PLEKHH1: variants seen among roughly 807,000 people sequenced by gnomAD.
PLEKHH1 encodes pleckstrin homology domain-containing family H member 1.
Under a neutral mutation model 160.0 loss-of-function variants are expected in PLEKHH1, and 104 were observed. The ratio of observed to expected loss-of-function variants is 0.65; its 90% CI spans 0.55 to 0.76. The LOEUF (loss-of-function observed/expected upper bound fraction) is 0.76, where lower values mean the gene tolerates loss of function less well. Among genes scored for constraint, PLEKHH1 ranks in the 30% least tolerant of loss-of-function variants. The pLI is 0.00. For missense variants in PLEKHH1, 1,427 were observed against 1,724.1 expected (o/e 0.83, Z 3.05); for synonymous variants, 619 against 678.4 (o/e 0.91, Z 1.36).
rs1249742980 is a variant in PLEKHH1 at position 67,585,616 on chromosome 14, A to G, written c.3748A>G (p.Asn1250Asp). Reference sequence around the variant, plus strand: ...GAACGCTCTGGTGTGGATTGCTGTGAATGAGGATGGCGTCAGCATCCTGGA... The same window carrying G: ...GAACGCTCTGGTGTGGATTGCTGTGGATGAGGATGGCGTCAGCATCCTGGA... ...KENALVWIAVNEDGVSILDHN... is the reference protein window; with the variant it reads ...KENALVWIAVDEDGVSILDHN... Residue 1250 changes from asparagine (N) to aspartate (D), a missense_variant, in exon 27 of 29, where the codon AAT becomes GAT. Transcript: ENST00000329153. 3 of 1,583,904 alleles carry G rather than the reference A, an allele frequency of 1.9e-6. No homozygotes were observed. The Admixed American group carries it at 5.4e-5, about 28-fold the overall frequency.
intron 2 of PLEKHH1, among the ~76,000 whole-genome samples, chr14:67,548,671 C>T (rs1407873381): frequency 2.6e-5 from 4 of 152,004 alleles, no homozygotes; most frequent in Non-Finnish European, 5.9e-5. Flanking sequence ...CACTCCAGCT[C>T]GGGCGACAAG....
Position 67,562,221 on chromosome 14 carries a change from T to A in PLEKHH1, c.590T>A (p.Ile197Asn). ...EQDSVPSEPG[I>N]QPMGQDSGSQ... ...GATTCTGTCCCTTCAGAGCCGGGAA[T>A]CCAGCCTATGGGCCAGGACAGTGGC... is the stretch of plus-strand genomic sequence containing the variant. The change falls in exon 7 of 29, where the codon ATC becomes AAC. Residue 197 changes from isoleucine (I) to asparagine (N), a missense_variant. By Grantham distance (149) the Ile-to-Asn change is moderately radical. Coordinates refer to ENST00000329153, the MANE Select transcript of PLEKHH1 (RefSeq NM_020715.3). The A allele has an allele frequency of 6.2e-7, 1 of 1,612,044 alleles. No individual in the cohort carries two copies. The highest frequency in any genetic ancestry group is 1.3e-5 in the African/African-American group (1 of 74,982).
At chr14:67,586,521 A>T in intron 28 of PLEKHH1, 3 of 770,208 alleles carry the variant, frequency 3.9e-6, no homozygotes, top group African/African-American at 1.8e-5. Context: ...ACAGTCCCAC[A>T]GTGCTCCCTC....
Position 67,557,934 on chromosome 14 carries a change from C to T in PLEKHH1, c.339+516C>T, listed in dbSNP as rs569362295. On this transcript the variant is annotated intron_variant, in intron 4 of 28. Coordinates refer to ENST00000329153, the MANE Select transcript of PLEKHH1 (RefSeq NM_020715.3). Reference sequence around the variant, plus strand: ...AGCTGCACAGAGCTGGATGGTCAGTCGTGGCCAGCTGGTTGCCCAAAGTTT... The same window carrying T: ...AGCTGCACAGAGCTGGATGGTCAGTTGTGGCCAGCTGGTTGCCCAAAGTTT... Among the ~76,000 whole-genome samples the T allele has an allele frequency of 1.3e-4, 20 of 152,308 alleles. 1 individual carries two copies. The East Asian group carries it at 1.5e-3, about 12-fold the overall frequency.
intron 21 of PLEKHH1, 64 bp downstream of exon 21, chr14:67,579,375 G>A (rs1395702147): frequency 7.6e-7 from 1 of 1,311,130 alleles, no homozygotes; most frequent in Non-Finnish European, 1.0e-6. Context: ...GAATACCCCT[G>A]GGCCTTAGGC....
intron 1 of PLEKHH1, among the ~76,000 whole-genome samples, chr14:67,536,181 C>T (rs1218652811): frequency 1.3e-5 from 2 of 149,028 alleles, no homozygotes; most frequent in Non-Finnish European, 2.9e-5. Flanking sequence ...CCTTCTCTGT[C>T]TCCCCGGACA....
At chr14:67,563,983 G>A (rs964965468) in intron 7 of PLEKHH1, among the ~76,000 whole-genome samples, 1 of 149,944 alleles carries the variant, frequency 6.7e-6, no homozygotes, top group East Asian at 2.0e-4. Flanking sequence ...CTCACTGGAA[G>A]CTCTGCCTCC....
intron 2 of PLEKHH1, among the ~76,000 whole-genome samples, chr14:67,555,442 G>C (rs1404382891): frequency 6.6e-6 from 1 of 152,184 alleles, no homozygotes; most frequent in Admixed American, 6.5e-5. Context: ...CAGCAGCATG[G>C]CCCCACCTTC....
At chr14:67,542,108 C>T in intron 2 of PLEKHH1, 115 bp downstream of exon 2, 1 of 1,001,208 alleles carries the variant, frequency 1.0e-6, no homozygotes, top group Non-Finnish European at 1.4e-6. Context: ...TGCTTTTCCC[C>T]ATATGCAAAA....
intron 17 of PLEKHH1, 51 bp from the exon 18 acceptor site, chr14:67,577,251 T>G (rs2035661108): frequency 1.8e-6 from 2 of 1,132,468 alleles, no homozygotes; most frequent in African/African-American, 1.5e-5. Flanking sequence ...GGGAGATGAG[T>G]CCCCTCTCAG....
intron 15 of PLEKHH1, 39 bp downstream of exon 15, chr14:67,575,511 TCCCC>T: frequency 9.2e-6 from 12 of 1,300,942 alleles, no homozygotes; most frequent in Non-Finnish European, 1.3e-5. Context: ...CTCTCCTGCT[TCCCC>T]CGAAGCACAT....
chr14:67,533,919 C>T (rs2033584241), intron 1 of PLEKHH1, among the ~76,000 whole-genome samples: 1 of 152,066 alleles, frequency 6.6e-6, no homozygotes, highest in Non-Finnish European at 1.5e-5. Flanking sequence ...AGGACTCGGT[C>T]ACCAGGAACC....
At chr14:67,571,952 C>T in intron 10 of PLEKHH1, 50 bp downstream of exon 10, 7 of 1,558,768 alleles carry the variant, frequency 4.5e-6, no homozygotes, top group Non-Finnish European at 6.1e-6. Flanking sequence ...GAGCCCCTCA[C>T]CTCTTCCCAT....
intron 2 of PLEKHH1, among the ~76,000 whole-genome samples, chr14:67,548,916 T>C (rs1037485342): frequency 1.3e-5 from 2 of 152,134 alleles, no homozygotes; most frequent in Admixed American, 1.3e-4. Context: ...TTTTTCTGAG[T>C]GGATAAATGG....
Position 67,578,587 on chromosome 14 carries a change from C to G in PLEKHH1, c.2805C>G (p.Phe935Leu). 2 of 1,612,234 alleles carry G rather than the reference C, an allele frequency of 1.2e-6. No homozygotes were observed. The change falls in exon 20 of 29, where the codon TTC becomes TTG. Residue 935 changes from phenylalanine to leucine, a missense_variant. Phe to Leu is a conservative substitution (Grantham distance 22). This residue lies in a region of PLEKHH1 where 436 missense variants were observed against 607.5 expected (regional missense o/e 0.72). Transcript: ENST00000329153. The surrounding 1 kb of genome is among the most constrained non-coding windows in gnomAD (Gnocchi z 5.0). ...CAPLFLPQHH[F>L]LWYVKQQLQR... The stretch of plus-strand genomic sequence containing the variant: ...CACTTTTCCTGCCTCAGCATCACTT[C>G]CTCTGGTATGTCAAGCAGCAGCTCC...
intron 1 of PLEKHH1, among the ~76,000 whole-genome samples, chr14:67,539,084 C>T (rs2033862042): frequency 6.6e-6 from 1 of 152,242 alleles, no homozygotes; most frequent in South Asian, 2.1e-4. Context: ...TATTTCTTAG[C>T]CCTGAACTGA....
Position 67,574,250 on chromosome 14 carries a change from T to G in PLEKHH1, c.1935T>G (p.Ser645=). ...TATCTCGCCCTCCACAGCTCATCTC[T>G]GAGAAGAAAACCTACTACCTGACGG... ...GEGSQTFQLI[S]EKKTYYLTAD... is the part of the protein sequence containing the mutation. Residue 645 remains serine, a synonymous_variant, in exon 14 of 29, where the codon TCT becomes TCG. Transcript: ENST00000329153. The surrounding 1 kb of genome is among the most constrained non-coding windows in gnomAD (Gnocchi z 4.2). 1 of 1,603,392 alleles carries G rather than the reference T, an allele frequency of 6.2e-7. No homozygotes were observed. Among genetic ancestry groups the G allele is most frequent in the African/African-American group, 1.3e-5 (1 of 74,758 alleles).
intron 7 of PLEKHH1, among the ~76,000 whole-genome samples, chr14:67,568,315 G>A (rs2035204923): frequency 6.6e-6 from 1 of 151,992 alleles, no homozygotes; most frequent in South Asian, 2.1e-4. Flanking sequence ...GGAGCTGGAA[G>A]CCATTATCTT....
intron 10 of PLEKHH1, 59 bp downstream of exon 10, chr14:67,571,961 A>G: frequency 4.5e-6 from 7 of 1,547,088 alleles, no homozygotes; most frequent in Non-Finnish European, 6.1e-6. Context: ...ACCTCTTCCC[A>G]TGGGCACTTG....
Sources: gnomAD v4.1 joint callset for allele counts (sites outside exome capture counted in the v4.1 genomes callset) on GRCh38, gnomAD v4.1.1 for gene constraint, gnomAD v4.1.1 regional missense constraint, Gnocchi (gnomAD v3.1) non-coding constraint, MANE v1.5 for transcripts, NCBI Gene and HGNC (gene_info 2026-07-23, HGNC 2026-07-21) for gene names.